CNDP2: variants seen among roughly 807,000 people sequenced by gnomAD.
CNDP2 encodes the protein cytosolic non-specific dipeptidase.
In CNDP2, 38 loss-of-function variants were observed where a neutral mutation model predicts 55.0. The ratio of observed to expected loss-of-function variants is 0.69; its 90% confidence interval spans 0.53 to 0.90. CNDP2 has a LOEUF of 0.90. Among genes scored for constraint, CNDP2 ranks in the 40% least tolerant of loss-of-function variants. The pLI is 0.00. For synonymous variants in CNDP2, 241 were observed against 260.2 expected (o/e 0.93, Z 0.71); for missense variants, 607 against 621.7 (o/e 0.98, Z 0.25).
At chr18:74,517,255 TTAAAGAATTC>T (rs1979730081) in intron 9 of CNDP2, 1 of 152,150 alleles carries the variant, frequency 6.6e-6, no homozygotes, top group Non-Finnish European at 1.5e-5. Context: ...AGCTAGGCTT[TTAAAGAATTC>T]AAGTTAGTTT....
Position 74,518,507 on chromosome 18 carries a change from C to G in CNDP2, c.1077C>G (p.Ser359Arg), listed in dbSNP as rs746986644. ...TPEVVGEQVT[S>R]YLTKKFAELR... ...TTCTATTTGTGGTTTAGGTCACAAG[C>G]TACCTAACTAAGAAGTTTGCTGAAC... Residue 359 changes from serine to arginine, a missense_variant, in exon 10 of 12, where the codon AGC becomes AGG. Coordinates refer to ENST00000324262, the MANE Select transcript of CNDP2 (RefSeq NM_018235.3). 1 of 1,614,162 alleles carries G rather than the reference C, an allele frequency of 6.2e-7. No homozygotes were observed. The highest frequency in any genetic ancestry group is 1.1e-5 in the South Asian group (1 of 91,086).
intron 4 of CNDP2, 133 bp downstream of exon 4, chr18:74,506,144 CT>C: frequency 2.3e-6 from 2 of 880,968 alleles, no homozygotes; most frequent in Non-Finnish European, 3.0e-6. Context: ...TTTTAAAAAT[CT>C]TTTTTTGAGA....
intron 9 of CNDP2, 145 bp from the exon 10 acceptor site, chr18:74,518,354 G>A (rs1361308764): frequency 1.3e-6 from 1 of 742,828 alleles, no homozygotes; most frequent in East Asian, 2.6e-5. Context: ...ACTCATCGTA[G>A]ACTCAGCATA....
chr18:74,512,186 A>G, intron 6 of CNDP2: 1 of 425,368 alleles, frequency 2.4e-6, no homozygotes, highest in Non-Finnish European at 4.3e-6. Flanking sequence ...AGTGGTAGGC[A>G]GATTGCCCTG....
chr18:74,519,167 C>T (rs1206466346), intron 11 of CNDP2, 71 bp downstream of exon 11: 1 of 1,511,284 alleles, frequency 6.6e-7, no homozygotes, highest in African/African-American at 1.4e-5. Context: ...CCCCTTCCCC[C>T]CGTGTGCAGC....
chr18:74,516,539 A>G (rs1979680240), intron 9 of CNDP2, 147 bp downstream of exon 9: 5 of 774,932 alleles, frequency 6.5e-6, no homozygotes, highest in East Asian at 5.5e-5. Flanking sequence ...TATGACAGTC[A>G]CGGTTCAGAA....
chr18:74,520,254 A>T lies in CNDP2; in HGVS notation c.*186A>T. On this transcript the variant is annotated 3_prime_UTR_variant, in exon 12 of 12. Transcript: ENST00000324262. Reference sequence around the variant, plus strand: ...GGTGGAGCTACCCGTTGGGCTTATGAGTGACCTGGAGTGACAGCTGAGTCA... The same window carrying T: ...GGTGGAGCTACCCGTTGGGCTTATGTGTGACCTGGAGTGACAGCTGAGTCA... 1 of 576,200 alleles carries T rather than the reference A, an allele frequency of 1.7e-6. No homozygotes were observed. Among genetic ancestry groups the T allele is most frequent in the Non-Finnish European group, 3.1e-6 (1 of 321,772 alleles). The allele number at this position is 576,200 out of a possible 1,614,324, so 35.7% of individuals were successfully genotyped here. A position where few individuals can be genotyped will look rare whatever the true frequency, so the allele number is the denominator to read the frequency against.
intron 2 of CNDP2, chr18:74,501,077 T>A (rs8084109): frequency 0.26 from 217,769 of 831,232 alleles, 31,957 homozygotes; most frequent in African/African-American, 0.5. Context: ...ACTTCCTTGT[T>A]TTTTTTTTGT....
rs1490632112 is a variant in CNDP2, at chr18:74,518,619, G to A, written c.1189G>A (p.Gly397Arg). 1.2e-6 allele frequency: 2 copies of A among 1,614,214 alleles called. No individual in the cohort carries two copies. The highest frequency in any genetic ancestry group is 1.1e-5 in the South Asian group (1 of 91,086). ...SDFSHPHYLA[G>R]RRAMKTVFGV... is the part of the protein sequence containing the mutation. ...CTTCAGTCACCCTCATTACCTGGCT[G>A]GGAGAAGAGCCATGAAGACAGGTTG... Residue 397 changes from glycine (G) to arginine (R), a missense_variant, in exon 10 of 12, where the codon GGG (glycine) becomes AGG (arginine). Physicochemically the swap from Gly to Arg is moderately radical, Grantham distance 125 (BLOSUM62 -2). Transcript: ENST00000324262.
At position 74,510,790 on chromosome 18, in the gene CNDP2, C is replaced by G. The variant is rs1275586001; in HGVS notation, c.457-23C>G. Reference sequence around the variant, plus strand: ...GAAGGTTCGCAAAGCTGAATATCCACTCGTGCTGTTCCCTTCTCACAGGAG... The same window carrying G: ...GAAGGTTCGCAAAGCTGAATATCCAGTCGTGCTGTTCCCTTCTCACAGGAG... On this transcript the variant is annotated intron_variant, in intron 5 of 11. Transcript: ENST00000324262. 1.9e-6 allele frequency: 3 copies of G among 1,600,286 alleles called. 1 individual carries two copies. The South Asian group carries it at 3.3e-5, about 18-fold the overall frequency.
Position 74,518,357 on chromosome 18 carries a change from T to G in CNDP2, c.1069-142T>G, listed in dbSNP as rs139185366. 731 of 775,582 alleles carry G rather than the reference T, an allele frequency of 9.4e-4. 4 individuals carry two copies. In the African/African-American group the frequency reaches 0.012, roughly 12 times the overall value. The allele number at this position is 775,582 out of a possible 1,614,324, so 48.0% of individuals were successfully genotyped here. A position where few individuals can be genotyped will look rare whatever the true frequency, so the allele number is the denominator to read the frequency against. On this transcript the variant is annotated intron_variant, in intron 9 of 11. Coordinates refer to ENST00000324262, the MANE Select transcript of CNDP2 (RefSeq NM_018235.3). ...ACAGAAAATGAGACTCATCGTAGAC[T>G]CAGCATAGACCCATCACAGACCTGT... is the stretch of plus-strand genomic sequence containing the variant.
At position 74,512,400 on chromosome 18, in the gene CNDP2, T is replaced by G. The variant is rs189846595; in HGVS notation, c.658-48T>G. On this transcript the variant is annotated intron_variant, in intron 6 of 11. Transcript: ENST00000324262. ...TGAATTTACTGTCACATGATAAAAA[T>G]AAGCTCCCACTAGGCAGCCAGACAC... 395 of 1,503,786 alleles carry G rather than the reference T, an allele frequency of 2.6e-4. 1 individual carries two copies. The highest frequency in any genetic ancestry group is 2.6e-3 in the Middle Eastern group (15 of 5,724). 93.2% of individuals were successfully genotyped at this position (1,503,786 alleles called of 1,614,324 possible). A position where few individuals can be genotyped will look rare whatever the true frequency, so the allele number is the denominator to read the frequency against.
Position 74,499,611 on chromosome 18 carries a change from A to G in CNDP2, c.-92-271A>G, listed in dbSNP as rs3764510. ...GTGTAAAAATTTTTATTAAAGTACC[A>G]GTAAAACTAAAAGTGCCTACTTTTA... is the stretch of plus-strand genomic sequence containing the variant. On this transcript the variant is annotated intron_variant, in intron 1 of 11. Transcript: ENST00000324262. 0.19 allele frequency: 43,295 copies of G among 232,828 alleles called. 4,509 individuals carry two copies. The highest frequency in any genetic ancestry group is 0.29 in the Admixed American group (5,550 of 19,246). 14.4% of individuals were successfully genotyped at this position (232,828 alleles called of 1,614,324 possible). A position where few individuals can be genotyped will look rare whatever the true frequency, so the allele number is the denominator to read the frequency against.
chr18:74,513,449 C>A, intron 7 of CNDP2, 110 bp from the exon 8 acceptor site: 1 of 1,197,312 alleles, frequency 8.4e-7, no homozygotes, highest in Non-Finnish European at 1.1e-6. Context: ...GGCTGTGGGG[C>A]CTGAGCCGCA....
At position 74,516,401 on chromosome 18, in the gene CNDP2, G is replaced by T. The variant is rs778792807; in HGVS notation, c.1068+9G>T. 2.5e-6 allele frequency: 4 copies of T among 1,602,570 alleles called. No individual in the cohort carries two copies. In the South Asian group the frequency reaches 3.3e-5, roughly 13 times the overall value. On this transcript the variant is annotated intron_variant, in intron 9 of 11. Transcript: ENST00000324262. ...AAGTCGTCGGCGAGCAGGCATGTGG[G>T]GCTGGGACACGGGGTGGGGGCCAAG...
chr18:74,510,687 G>A, intron 5 of CNDP2, 126 bp from the exon 6 acceptor site: 1 of 785,550 alleles, frequency 1.3e-6, no homozygotes, highest in Non-Finnish European at 2.1e-6. Context: ...GATGACAGGT[G>A]CACACGGAGG....
chr18:74,502,375 G>A (rs569483522), intron 3 of CNDP2, among the ~76,000 whole-genome samples: 8 of 152,100 alleles, frequency 5.3e-5, no homozygotes, highest in African/African-American at 1.4e-4. Flanking sequence ...AGGTAGTTTT[G>A]TTCACTTAAA....
At position 74,516,460 on chromosome 18, in the gene CNDP2, T is replaced by C. The variant is rs2241509; in HGVS notation, c.1068+68T>C. On this transcript the variant is annotated intron_variant, in intron 9 of 11. Transcript: ENST00000324262. ...TGTCCGGGCAGAGACTTGGGTAATA[T>C]AGGCTGTTACTCGACAGACACCCGG... 6.8e-6 allele frequency: 10 copies of C among 1,460,728 alleles called. No homozygotes were observed. In the African/African-American group the frequency reaches 1.1e-4, roughly 16 times the overall value. 90.5% of individuals were successfully genotyped at this position (1,460,728 alleles called of 1,614,324 possible).
intron 1 of CNDP2, 37 bp from the exon 2 acceptor site, chr18:74,499,845 A>AAAAATTT: frequency 1.4e-6 from 1 of 719,784 alleles, no homozygotes; most frequent in Non-Finnish European, 2.3e-6. Flanking sequence ...AGGGTGGGGC[A>AAAAATTT]ACAATTTACA....
Sources: allele counts gnomAD v4.1 joint callset (sites outside exome capture counted in the v4.1 genomes callset), GRCh38; gene constraint gnomAD v4.1.1; transcripts MANE v1.5; gene names NCBI Gene and HGNC (gene_info 2026-07-23, HGNC 2026-07-21).